The following AP3M2 variants were observed in gnomAD, a reference collection of about 807,000 sequenced individuals.
AP3M2 encodes adaptor related protein complex 3 subunit mu 2, also known as AP-3 complex subunit mu-2.
A neutral mutation model predicts 41.6 loss-of-function variants in AP3M2; 28 were observed. The observed-to-expected ratio is 0.67, with a 90% CI of 0.50 to 0.92. AP3M2 has a LOEUF of 0.92. Among genes scored for constraint, AP3M2 ranks in the 40% least tolerant of loss-of-function variants. The probability of loss-of-function intolerance (pLI) is 0.00; values close to 1 mark genes in which losing one functional copy is unlikely to be tolerated. For synonymous variants in AP3M2, 193 were observed against 186.4 expected (o/e 1.04, Z -0.29); for missense variants, 427 against 521.4 (o/e 0.82, Z 1.76).
At chr8:42,161,322 A>T (rs1443280262) in intron 3 of AP3M2, among the ~76,000 whole-genome samples, 6 of 152,060 alleles carry the variant, frequency 3.9e-5, no homozygotes, top group East Asian at 1.9e-4. Context: ...TCTTAAAAAA[A>T]TTTTTTAGGT....
At position 42,154,755 on chromosome 8, in the gene AP3M2, T is replaced by C; in HGVS notation, c.68T>C (p.Val23Ala). ...DIFLEKHWKS[V>A]VSRSVCDYFF... The stretch of plus-strand genomic sequence containing the variant: ...TTCCTGGAGAAACATTGGAAAAGTG[T>C]GGTCAGCCGTTCTGTTTGTGATTAC... The change falls in exon 2 of 9, where the codon GTG (valine) becomes GCG (alanine). Residue 23 changes from valine to alanine, a missense_variant. Physicochemically the swap from Val to Ala is moderately conservative, Grantham distance 64. Transcript: ENST00000396926. The C allele has an allele frequency of 6.2e-7, 1 of 1,614,180 alleles. No homozygotes were observed. The highest frequency in any genetic ancestry group is 8.5e-7 in the Non-Finnish European group (1 of 1,180,028).
Position 42,154,618 on chromosome 8 carries a change from T to C in AP3M2, c.-70T>C. ...AATATCGCTGCTTTTGTTTTTAGAG[T>C]TGAAAACTTACAGAGTCCTGAGGCT... is the stretch of plus-strand genomic sequence containing the variant. On this transcript the variant is annotated splice_region_variant and 5_prime_UTR_variant, in exon 2 of 9. Transcript: ENST00000396926. 2 of 1,557,200 alleles carry C rather than the reference T, an allele frequency of 1.3e-6. No homozygotes were observed. Among genetic ancestry groups the C allele is most frequent in the African/African-American group, 1.4e-5 (1 of 72,724 alleles).
At position 42,168,948 on chromosome 8, in the gene AP3M2, C is replaced by G. The variant is rs776392028; in HGVS notation, c.1157-13C>G. On this transcript the variant is annotated splice_polypyrimidine_tract_variant and intron_variant, in intron 8 of 8. Coordinates refer to ENST00000396926, the MANE Select transcript of AP3M2 (RefSeq NM_006803.4). ...ATACTCATGTCTATTTTCCCTCTCT[C>G]CCTCCTTTCTAGGACTCAAGGTGAA... 4 of 1,582,476 alleles carry G rather than the reference C, an allele frequency of 2.5e-6. No homozygotes were observed. The highest frequency in any genetic ancestry group is 2.6e-6 in the Non-Finnish European group (3 of 1,161,790).
chr8:42,155,624 C>T (rs114370868), intron 2 of AP3M2: 161 of 162,702 alleles, frequency 9.9e-4, no homozygotes, highest in African/African-American at 3.8e-3. Context: ...TACCAGGACA[C>T]GACACCATTT....
chr8:42,162,818 TG>T (rs1804540845), intron 4 of AP3M2, among the ~76,000 whole-genome samples: 1 of 151,716 alleles, frequency 6.6e-6, no homozygotes, highest in Non-Finnish European at 1.5e-5. Context: ...TAGTTGTGCA[TG>T]CCTGTATTCC....
rs1476878353 is a variant in AP3M2, at chr8:42,154,864, T to C, written c.177T>C (p.Val59=). Reference sequence around the variant, plus strand: ...CCCCTCACCACTATCTCTTAAGTGTTTACCGCCACAAGATCTTTTTTGTGG... The same window carrying C: ...CCCCTCACCACTATCTCTTAAGTGTCTACCGCCACAAGATCTTTTTTGTGG... ...IPTPHHYLLS[V]YRHKIFFVAV... The change falls in exon 2 of 9, where the codon GTT becomes GTC. Residue 59 remains valine (V), a synonymous_variant. Coordinates refer to ENST00000396926, the MANE Select transcript of AP3M2 (RefSeq NM_006803.4). The C allele has an allele frequency of 1.2e-6, 2 of 1,614,070 alleles. No homozygotes were observed. Among genetic ancestry groups the C allele is most frequent in the Non-Finnish European group, 1.7e-6 (2 of 1,180,050 alleles).
chr8:42,165,808 A>G (rs1167773257), intron 6 of AP3M2: 3 of 401,054 alleles, frequency 7.5e-6, no homozygotes, highest in African/African-American at 4.1e-5. Flanking sequence ...AGTGCTTAAC[A>G]CAAAGAAGTG....
intron 8 of AP3M2, 133 bp from the exon 9 acceptor site, chr8:42,168,828 G>T (rs1366244122): frequency 6.5e-6 from 4 of 610,804 alleles, no homozygotes; most frequent in Non-Finnish European, 1.1e-5. Context: ...GAATCCATCT[G>T]CTCTGCATAA....
At chr8:42,165,587 G>A in intron 6 of AP3M2, 27 bp downstream of exon 6, 5 of 1,613,246 alleles carry the variant, frequency 3.1e-6, no homozygotes, top group Non-Finnish European at 4.2e-6. Context: ...ATTAAGAATG[G>A]AATCCGTGTA....
Position 42,157,797 on chromosome 8 carries a change from T to TAA in AP3M2, c.274-144_274-143insAA, listed in dbSNP as rs1428624031. 8.6e-6 allele frequency: 6 copies of TAA among 696,416 alleles called. No homozygotes were observed. In the Admixed American group the frequency reaches 1.8e-4, roughly 21 times the overall value. The allele number at this position is 696,416 out of a possible 1,614,324, so 43.1% of individuals were successfully genotyped here. Reference sequence around the variant, plus strand: ...AACAGACTGCCTAAGAGAACTATGGTTATGCTGCATTCCCTCGTTGTAGAA... The same window carrying TAA: ...AACAGACTGCCTAAGAGAACTATGGTAATATGCTGCATTCCCTCGTTGTAGAA... On this transcript the variant is annotated intron_variant, in intron 2 of 8. Coordinates refer to ENST00000396926, the MANE Select transcript of AP3M2 (RefSeq NM_006803.4).
chr8:42,160,166 G>T (rs1301420880), intron 3 of AP3M2, among the ~76,000 whole-genome samples: 1 of 152,072 alleles, frequency 6.6e-6, no homozygotes, highest in Non-Finnish European at 1.5e-5. Context: ...TTTGGGATGC[G>T]CAACTGGTAT....
rs1804602638 is a variant in AP3M2 at position 42,165,053 on chromosome 8, G to A, written c.584-18G>A. 2 of 1,606,820 alleles carry A rather than the reference G, an allele frequency of 1.2e-6. No individual in the cohort carries two copies. The highest frequency in any genetic ancestry group is 8.5e-7 in the Non-Finnish European group (1 of 1,175,918). ...GTATTCAGTAATCTGTGTTCTTTTT[G>A]TCTTATTCCTGTCTCAGGCTCCACA... On this transcript the variant is annotated intron_variant, in intron 4 of 8. Transcript: ENST00000396926.
chr8:42,160,274 G>T (rs562107469), intron 3 of AP3M2, among the ~76,000 whole-genome samples: 1 of 152,308 alleles, frequency 6.6e-6, no homozygotes, highest in African/African-American at 2.4e-5. Context: ...TGAAGTTTGG[G>T]TAGTTTTTAA....
chr8:42,162,098 A>G (rs979217517), intron 3 of AP3M2, 183 bp from the exon 4 acceptor site: 2 of 475,316 alleles, frequency 4.2e-6, no homozygotes, highest in Non-Finnish European at 3.6e-6. Flanking sequence ...ACCAGATGGC[A>G]ACAAGGGGTT....
intron 3 of AP3M2, among the ~76,000 whole-genome samples, chr8:42,159,886 G>A (rs1170859067): frequency 2.0e-5 from 3 of 152,160 alleles, no homozygotes; most frequent in African/African-American, 7.2e-5. Context: ...GTTGTTGGGA[G>A]GATTTGCCCT....
rs183677873 is a variant in AP3M2, at chr8:42,164,846, C to T, written c.584-225C>T. On this transcript the variant is annotated intron_variant, in intron 4 of 8. Transcript: ENST00000396926. The stretch of plus-strand genomic sequence containing the variant: ...TATCACCGTTACCTCACCATAGTGT[C>T]TCATGCTTGATGTGCAGTTGATAAG... Among the ~76,000 whole-genome samples, 91 of 152,194 alleles carry T rather than the reference C, an allele frequency of 6.0e-4. 1 individual carries two copies. Among genetic ancestry groups the T allele is most frequent in the African/African-American group, 1.8e-3 (73 of 41,516 alleles).
rs540257020 is a variant in AP3M2 at position 42,170,069 on chromosome 8, G to A, written c.*1008G>A. 8 of 152,350 alleles carry A rather than the reference G, an allele frequency of 5.3e-5. No homozygotes were observed. Among genetic ancestry groups the A allele is most frequent in the Admixed American group, 3.9e-4 (6 of 15,300 alleles). The allele number at this position is 152,350 out of a possible 1,614,324, so 9.4% of individuals were successfully genotyped here. A position where few individuals can be genotyped will look rare whatever the true frequency, so the allele number is the denominator to read the frequency against. ...GACTCTTCCCATGAAGGTGAGCACA[G>A]CTGTGAGTGAGTGAGCTCATATCTC... On this transcript the variant is annotated 3_prime_UTR_variant, in exon 9 of 9. Coordinates refer to ENST00000396926, the MANE Select transcript of AP3M2 (RefSeq NM_006803.4).
intron 2 of AP3M2, among the ~76,000 whole-genome samples, chr8:42,157,143 A>G (rs139782613): frequency 7.9e-5 from 12 of 152,374 alleles, no homozygotes; most frequent in African/African-American, 2.6e-4. Flanking sequence ...TTCTTGCTAA[A>G]TAATGATCAC....
intron 2 of AP3M2, chr8:42,156,101 A>G (rs891864399): frequency 1.4e-5 from 6 of 444,004 alleles, no homozygotes; most frequent in East Asian, 7.0e-5. Flanking sequence ...ATCCTAAACA[A>G]CTTTTAACTG....
Sources: gnomAD v4.1 joint callset for allele counts (sites outside exome capture counted in the v4.1 genomes callset) on GRCh38, gnomAD v4.1.1 for gene constraint, MANE v1.5 for transcripts, NCBI Gene and HGNC (gene_info 2026-07-23, HGNC 2026-07-21) for gene names.